HTR2C: variants seen among roughly 807,000 people sequenced by gnomAD.
The protein encoded by HTR2C is 5-hydroxytryptamine (serotonin) receptor 2C, G protein-coupled.
HTR2C carries 5 observed loss-of-function variants against 21.0 expected under a neutral mutation model. The observed-to-expected ratio is 0.24, with a 90% CI of 0.12 to 0.50. The LOEUF is 0.50. Among genes scored for constraint, HTR2C ranks in the 20% least tolerant of loss-of-function variants. The pLI is 0.98. For synonymous variants in HTR2C, 150 were observed against 145.3 expected (o/e 1.03, Z -0.23); for missense variants, 271 against 371.2 (o/e 0.73, Z 2.22).
chrX:114,600,752 T>C (rs1470677500), intron 1 of HTR2C, among the ~76,000 whole-genome samples: 4 of 111,410 alleles, frequency 3.6e-5, no homozygotes, highest in African/African-American at 1.3e-4. Context: ...TTTAATCTAA[T>C]TTCATATATA....
intron 5 of HTR2C, among the ~76,000 whole-genome samples, chrX:114,855,242 G>A (rs958998205): frequency 9.9e-5 from 11 of 111,097 alleles, no homozygotes; most frequent in African/African-American, 3.3e-4. Context: ...ATCCACTAAT[G>A]TATCTAGAAA....
At chrX:114,753,509 T>A (rs2069782037) in intron 4 of HTR2C, among the ~76,000 whole-genome samples, 1 of 111,750 alleles carries the variant, frequency 8.9e-6, no homozygotes, top group East Asian at 2.8e-4. Flanking sequence ...AGTTCCCATA[T>A]GCACATGATG....
intron 2 of HTR2C, among the ~76,000 whole-genome samples, chrX:114,644,958 A>G (rs1930307144): frequency 9.0e-6 from 1 of 110,985 alleles, no homozygotes; most frequent in South Asian, 3.8e-4. Flanking sequence ...AAAATCACCA[A>G]AGTGCATTCT....
intron 2 of HTR2C, among the ~76,000 whole-genome samples, chrX:114,649,647 G>A (rs376344237): frequency 1.8e-5 from 2 of 110,943 alleles, no homozygotes; most frequent in East Asian, 5.7e-4. Context: ...ATGGAGTCTT[G>A]CTCTGTCGCC....
chrX:114,736,218 G>A (rs189633575), intron 4 of HTR2C, among the ~76,000 whole-genome samples: 4 of 111,012 alleles, frequency 3.6e-5, no homozygotes, highest in Middle Eastern at 4.7e-3. Context: ...TCATAAACTC[G>A]AATGAAGAAG....
intron 1 of HTR2C, among the ~76,000 whole-genome samples, chrX:114,585,296 T>G (rs1354018665): frequency 9.0e-6 from 1 of 111,656 alleles, no homozygotes; most frequent in Non-Finnish European, 1.9e-5. Flanking sequence ...AGCTGTTAGC[T>G]GAATTTGAAC....
At chrX:114,590,466 G>T (rs28360689) in intron 1 of HTR2C, among the ~76,000 whole-genome samples, 1 of 111,652 alleles carries the variant, frequency 9.0e-6, no homozygotes, top group Admixed American at 9.6e-5. Context: ...CCTCTTGCAG[G>T]AAGCTTTTGT....
chrX:114,756,118 T>C (rs1162332813), intron 4 of HTR2C, among the ~76,000 whole-genome samples: 1 of 37,594 alleles, frequency 2.7e-5, no homozygotes, highest in Non-Finnish European at 7.3e-5. Flanking sequence ...CAAAAAACCA[T>C]ACAAAACAAC....
At chrX:114,786,446 A>C (rs2070174938) in intron 4 of HTR2C, among the ~76,000 whole-genome samples, 2 of 111,926 alleles carry the variant, frequency 1.8e-5, no homozygotes, top group South Asian at 7.4e-4. Flanking sequence ...GCAGCAAAAA[A>C]TACTGAAATT....
intron 1 of HTR2C, among the ~76,000 whole-genome samples, chrX:114,597,538 G>T (rs1316632856): frequency 8.9e-6 from 1 of 112,114 alleles, no homozygotes; most frequent in African/African-American, 3.2e-5. Context: ...GGAGCTTGAG[G>T]ACAAGTAGGG....
intron 1 of HTR2C, among the ~76,000 whole-genome samples, chrX:114,606,794 T>A (rs782110244): frequency 9.0e-6 from 1 of 111,579 alleles, no homozygotes; most frequent in South Asian, 3.7e-4. Context: ...GCACCAAATT[T>A]CATGTGTGTC....
intron 5 of HTR2C, among the ~76,000 whole-genome samples, chrX:114,853,404 T>C (rs781924587): frequency 9.0e-6 from 1 of 111,669 alleles, no homozygotes; most frequent in South Asian, 3.7e-4. Flanking sequence ...GATTTCCTTT[T>C]TATGTTGAGA....
intron 2 of HTR2C, among the ~76,000 whole-genome samples, chrX:114,675,868 C>CTTTTTTTTTTTTTTTTTTTTTTTTTTTT (rs1556412476): frequency 2.1e-5 from 2 of 94,318 alleles, no homozygotes; most frequent in African/African-American, 3.8e-5. Flanking sequence ...TTTCTTTTTT[C>CTTTTTTTTTTTTTTTTTTTTTTTTTTTT]TTTTTTCTTT....
At chrX:114,811,038 T>C (rs1212440888) in intron 4 of HTR2C, among the ~76,000 whole-genome samples, 1 of 111,725 alleles carries the variant, frequency 9.0e-6, no homozygotes, top group East Asian at 2.8e-4. Context: ...AGGCTAATTA[T>C]GTCATTGAAT....
intron 2 of HTR2C, among the ~76,000 whole-genome samples, chrX:114,675,103 C>T (rs2147851024): frequency 8.9e-6 from 1 of 112,117 alleles, no homozygotes; most frequent in South Asian, 3.7e-4. Flanking sequence ...ATTACATTAA[C>T]ATTTTCTTCA....
At chrX:114,668,881 T>C (rs957668069) in intron 2 of HTR2C, among the ~76,000 whole-genome samples, 21 of 111,207 alleles carry the variant, frequency 1.9e-4, no homozygotes, top group Non-Finnish European at 2.8e-4. Flanking sequence ...TGTGTGCGTA[T>C]GTAAATAATA....
intron 2 of HTR2C, among the ~76,000 whole-genome samples, chrX:114,645,155 A>C (rs1930315375): frequency 9.0e-6 from 1 of 110,878 alleles, no homozygotes; most frequent in African/African-American, 3.3e-5. Context: ...TATTCTACTG[A>C]GTACTATAAA....
At chrX:114,822,642 T>C (rs782098185) in intron 4 of HTR2C, among the ~76,000 whole-genome samples, 4 of 112,316 alleles carry the variant, frequency 3.6e-5, no homozygotes, top group Non-Finnish European at 5.6e-5. Flanking sequence ...GGTAGCTCAA[T>C]TGGAAATTAC....
intron 2 of HTR2C, among the ~76,000 whole-genome samples, chrX:114,722,021 G>A (rs1181438496): frequency 9.1e-6 from 1 of 109,415 alleles, no homozygotes; most frequent in Non-Finnish European, 1.9e-5. Context: ...GGTTCCATAT[G>A]AACTTTAAAG....
Sources: allele counts gnomAD v4.1 joint callset (sites outside exome capture counted in the v4.1 genomes callset), GRCh38; gene constraint gnomAD v4.1.1; transcripts MANE v1.5; gene names NCBI Gene and HGNC (gene_info 2026-07-23, HGNC 2026-07-21).